DCP2: variants seen among roughly 807,000 people sequenced by gnomAD.
DCP2 encodes the protein decapping mRNA 2.
DCP2 carries 30 observed loss-of-function variants against 56.1 expected under a neutral mutation model. That is an observed-to-expected ratio of 0.53 (90% CI 0.40 to 0.73). The LOEUF (loss-of-function observed/expected upper bound fraction) is 0.73, where lower values mean the gene tolerates loss of function less well. Among genes scored for constraint, DCP2 ranks in the 30% least tolerant of loss-of-function variants. The pLI, the probability that DCP2 is intolerant of heterozygous loss-of-function variation, is 0.00. For missense variants in DCP2, 533 were observed against 502.7 expected, an observed-to-expected ratio of 1.06 and a Z score of -0.58; for synonymous variants, 197 against 163.3, an observed-to-expected ratio of 1.21 and a Z score of -1.57.
intron 1 of DCP2, among the ~76,000 whole-genome samples, chr5:112,981,372 C>G (rs1484471273): frequency 1.3e-5 from 2 of 151,988 alleles, no homozygotes; most frequent in Non-Finnish European, 2.9e-5. Flanking sequence ...TTTCTTGAGT[C>G]TCTGATATGG....
At position 113,014,057 on chromosome 5, in the gene DCP2, A is replaced by C. The variant is rs1030939325; in HGVS notation, c.*573A>C. ...ATTTATTGAGCAGCTTCTGGAATAT[A>C]ATGTGCATGTCCAAAATGAACTCAG... is the stretch of plus-strand genomic sequence containing the variant. On this transcript the variant is annotated 3_prime_UTR_variant, in exon 11 of 11. Coordinates refer to ENST00000389063, the MANE Select transcript of DCP2 (RefSeq NM_152624.6). 3 of 152,296 alleles carry C rather than the reference A, an allele frequency of 2.0e-5. No homozygotes were observed. Among genetic ancestry groups the C allele is most frequent in the African/African-American group, 7.2e-5 (3 of 41,446 alleles). The allele number at this position is 152,296 out of a possible 1,614,324, so 9.4% of individuals were successfully genotyped here. A position where few individuals can be genotyped will look rare whatever the true frequency, so the allele number is the denominator to read the frequency against.
chr5:112,985,531 A>T (rs926219875), intron 1 of DCP2, among the ~76,000 whole-genome samples: 9 of 152,208 alleles, frequency 5.9e-5, no homozygotes, highest in African/African-American at 2.2e-4. Flanking sequence ...CAGACATGGG[A>T]GGAAGCGGAG....
intron 1 of DCP2, 91 bp downstream of exon 1, chr5:112,977,077 G>A: frequency 1.0e-6 from 1 of 985,066 alleles, no homozygotes; most frequent in Non-Finnish European, 1.4e-6. Context: ...CCCCGCCCAC[G>A]TCCATGTCCT....
At chr5:112,987,031 G>T (rs1386460253) in intron 2 of DCP2, among the ~76,000 whole-genome samples, 2 of 152,160 alleles carry the variant, frequency 1.3e-5, no homozygotes, top group Non-Finnish European at 2.9e-5. Context: ...TTTGCCTTCA[G>T]AGAAGCTTCT....
rs1346278465 is a variant in DCP2 at position 113,016,962 on chromosome 5, C to T, written c.*3478C>T. 6.6e-6 allele frequency: 1 copy of T among 152,178 alleles called. No homozygotes were observed. Among genetic ancestry groups the T allele is most frequent in the Non-Finnish European group, 1.5e-5 (1 of 68,164 alleles). The allele number at this position is 152,178 out of a possible 1,614,324, so 9.4% of individuals were successfully genotyped here. On this transcript the variant is annotated 3_prime_UTR_variant, in exon 11 of 11. Coordinates refer to ENST00000389063, the MANE Select transcript of DCP2 (RefSeq NM_152624.6). ...GTTCAAGTGATTCTCCTGCCTCAGCCTCCCAAGTAGCTGGGATTACAGGCA... is the reference window on the plus strand; with the variant it reads ...GTTCAAGTGATTCTCCTGCCTCAGCTTCCCAAGTAGCTGGGATTACAGGCA...
intron 7 of DCP2, among the ~76,000 whole-genome samples, chr5:113,002,686 AT>A (rs1749235597): frequency 6.6e-6 from 1 of 151,530 alleles, no homozygotes; most frequent in Non-Finnish European, 1.5e-5. Context: ...AGCCTGGCTA[AT>A]TTTTTCTTAT....
At chr5:112,984,703 A>AAATATATATATATATATATATAT in intron 1 of DCP2, 59 of 64,818 alleles carry the variant, frequency 9.1e-4, no homozygotes, top group Non-Finnish European at 1.2e-3. Context: ...AAAAAAAAAA[A>AAATATATATATATATATATATAT]ATATATATAT....
chr5:113,013,655 A>C lies in DCP2; in HGVS notation c.*171A>C. The C allele has an allele frequency of 1.4e-6, 1 of 726,684 alleles. No individual in the cohort carries two copies. The highest frequency in any genetic ancestry group is 2.0e-5 in the South Asian group (1 of 49,576). The allele number at this position is 726,684 out of a possible 1,614,324, so 45.0% of individuals were successfully genotyped here. On this transcript the variant is annotated 3_prime_UTR_variant, in exon 11 of 11. Transcript: ENST00000389063. The stretch of plus-strand genomic sequence containing the variant: ...AGAAAGAAACACGAGTTTGCACTGT[A>C]AATGCAGTTATAACCTTTTATACAG...
chr5:112,976,907 G>T lies in DCP2; in HGVS notation c.-27G>T. ...GTCCCCGGCCGCGCGGAGCCGGGAT[G>T]CACTGTTCCTGCTGTGGGTCCTCAT... On this transcript the variant is annotated 5_prime_UTR_variant, in exon 1 of 11. The change abolishes an upstream ATG in the 5' untranslated region. Coordinates refer to ENST00000389063, the MANE Select transcript of DCP2 (RefSeq NM_152624.6). 6.2e-7 allele frequency: 1 copy of T among 1,613,512 alleles called. No individual in the cohort carries two copies. Among genetic ancestry groups the T allele is most frequent in the Non-Finnish European group, 8.5e-7 (1 of 1,179,394 alleles).
Position 113,018,535 on chromosome 5 carries a change from T to G in DCP2, c.*5051T>G, listed in dbSNP as rs1340545088. On this transcript the variant is annotated 3_prime_UTR_variant, in exon 11 of 11. Coordinates refer to ENST00000389063, the MANE Select transcript of DCP2 (RefSeq NM_152624.6). ...AATGCAGAAATCAGTTGGCTGTGTT[T>G]GTAATCTTGTCCCACATGGACCCTA... 6.6e-6 allele frequency: 1 copy of G among 152,236 alleles called. No individual in the cohort carries two copies. The highest frequency in any genetic ancestry group is 6.5e-5 in the Admixed American group (1 of 15,278). 9.4% of individuals were successfully genotyped at this position (152,236 alleles called of 1,614,324 possible).
At chr5:112,998,478 A>G (rs1263860413) in intron 4 of DCP2, among the ~76,000 whole-genome samples, 4 of 152,230 alleles carry the variant, frequency 2.6e-5, no homozygotes, top group Non-Finnish European at 5.9e-5. Context: ...ATATCATATT[A>G]AAATTTTTTC....
intron 8 of DCP2, among the ~76,000 whole-genome samples, chr5:113,006,709 T>G (rs1749453722): frequency 6.6e-6 from 1 of 152,208 alleles, no homozygotes; most frequent in African/African-American, 2.4e-5. Context: ...AAACAACAAA[T>G]TAATGTTTAA....
intron 7 of DCP2, 53 bp from the exon 8 acceptor site, chr5:113,003,889 A>G (rs1027186394): frequency 2.5e-5 from 40 of 1,595,104 alleles, no homozygotes; most frequent in Middle Eastern, 1.7e-4. Flanking sequence ...AGGTGTTAAA[A>G]GAACTATAAG....
chr5:112,980,485 C>T (rs1057190564), intron 1 of DCP2, among the ~76,000 whole-genome samples: 33 of 152,158 alleles, frequency 2.2e-4, no homozygotes, highest in African/African-American at 6.8e-4. Flanking sequence ...AATAACATTT[C>T]GTGTGATGCA....
At chr5:112,977,505 G>A (rs898332613) in intron 1 of DCP2, among the ~76,000 whole-genome samples, 1 of 152,192 alleles carries the variant, frequency 6.6e-6, no homozygotes, top group African/African-American at 2.4e-5. Context: ...TTTGTCCGTG[G>A]CGTTCTCTGT....
intron 7 of DCP2, among the ~76,000 whole-genome samples, chr5:113,002,845 T>C (rs1749243829): frequency 6.6e-6 from 1 of 152,168 alleles, no homozygotes; most frequent in Non-Finnish European, 1.5e-5. Context: ...CTTAATTGCA[T>C]CCAAGTCAGT....
chr5:112,991,981 G>A lies in DCP2; in HGVS notation c.206-140G>A, dbSNP rs906289238. 25 of 1,265,440 alleles carry A rather than the reference G, an allele frequency of 2.0e-5. No individual in the cohort carries two copies. In the African/African-American group the frequency reaches 2.5e-4, roughly 13 times the overall value. The allele number at this position is 1,265,440 out of a possible 1,614,324, so 78.4% of individuals were successfully genotyped here. A position where few individuals can be genotyped will look rare whatever the true frequency, so the allele number is the denominator to read the frequency against. On this transcript the variant is annotated intron_variant, in intron 2 of 10. Transcript: ENST00000389063. The stretch of plus-strand genomic sequence containing the variant: ...TTACAGGTGTGAGCCATGGTGCCTG[G>A]CCAAAATGCTACACTTAAATGAGGG...
rs1422211913 is a variant in DCP2 at position 113,015,565 on chromosome 5, G to A, written c.*2081G>A. 2.6e-5 allele frequency: 4 copies of A among 152,448 alleles called. No homozygotes were observed. The highest frequency in any genetic ancestry group is 1.3e-4 in the Admixed American group (2 of 15,252). The allele number at this position is 152,448 out of a possible 1,614,324, so 9.4% of individuals were successfully genotyped here. On this transcript the variant is annotated 3_prime_UTR_variant, in exon 11 of 11. Transcript: ENST00000389063. ...TATGGTTAAATGTTACTGCTGTTGCGCTGCTTTATTTAATGCACTGTGGAA... is the reference window on the plus strand; with the variant it reads ...TATGGTTAAATGTTACTGCTGTTGCACTGCTTTATTTAATGCACTGTGGAA...
chr5:112,985,148 T>C (rs1748217572), intron 1 of DCP2, among the ~76,000 whole-genome samples: 1 of 152,140 alleles, frequency 6.6e-6, no homozygotes, highest in Non-Finnish European at 1.5e-5. Context: ...AATTACAACA[T>C]TGACTTAGAT....
Sources: allele counts gnomAD v4.1 joint callset (sites outside exome capture counted in the v4.1 genomes callset), GRCh38; gene constraint gnomAD v4.1.1; transcripts MANE v1.5; gene names NCBI Gene and HGNC (gene_info 2026-07-23, HGNC 2026-07-21).